Variants in ASAH2 observed in about 807,000 individuals in gnomAD.
The protein encoded by ASAH2 is neutral ceramidase.
ASAH2 carries 58 observed loss-of-function variants against 82.9 expected under a neutral mutation model. The observed-to-expected ratio is 0.70, with a 90% CI of 0.57 to 0.87. ASAH2 has a LOEUF of 0.87. Among genes scored for constraint, ASAH2 ranks in the 40% least tolerant of loss-of-function variants. ASAH2 has a pLI of 0.00. For synonymous variants in ASAH2, 276 were observed against 289.7 expected, an observed-to-expected ratio of 0.95 and a Z score of 0.48; for missense variants, 779 against 834.0, an observed-to-expected ratio of 0.93 and a Z score of 0.81.
intron 7 of ASAH2, among the ~76,000 whole-genome samples, chr10:50,219,991 T>C (rs1218067701): frequency 6.6e-6 from 1 of 152,184 alleles, no homozygotes; most frequent in Non-Finnish European, 1.5e-5. Context: ...TCATATGTAT[T>C]TATCAACTTT....
intron 16 of ASAH2, among the ~76,000 whole-genome samples, chr10:50,201,613 G>A (rs1845150883): frequency 6.6e-6 from 1 of 152,110 alleles, no homozygotes; most frequent in African/African-American, 2.4e-5. Flanking sequence ...CAGGAGACAA[G>A]CTAGTAGGGG....
At chr10:50,237,789 G>A (rs1362720300) in intron 4 of ASAH2, among the ~76,000 whole-genome samples, 1 of 152,072 alleles carries the variant, frequency 6.6e-6, no homozygotes, top group East Asian at 1.9e-4. Context: ...TTTTGTGAAA[G>A]ATAATTAAAA....
intron 16 of ASAH2, among the ~76,000 whole-genome samples, chr10:50,199,838 G>T (rs1845094023): frequency 6.6e-6 from 1 of 151,530 alleles, no homozygotes; most frequent in East Asian, 1.9e-4. Flanking sequence ...AATCTCCTGA[G>T]ATCTTTCATT....
intron 7 of ASAH2, among the ~76,000 whole-genome samples, chr10:50,220,099 C>T (rs1845703083): frequency 6.6e-6 from 1 of 152,170 alleles, no homozygotes; most frequent in Non-Finnish European, 1.5e-5. Flanking sequence ...AGTTTGTGAT[C>T]TGATTCAAAC....
chr10:50,218,208 T>G (rs1845658137), intron 8 of ASAH2, among the ~76,000 whole-genome samples: 1 of 152,338 alleles, frequency 6.6e-6, no homozygotes, highest in African/African-American at 2.4e-5. Context: ...TGTCATATTT[T>G]CAGCTTAATC....
At chr10:50,199,013 C>G in intron 17 of ASAH2, 38 bp downstream of exon 17, 1 of 1,589,048 alleles carries the variant, frequency 6.3e-7, no homozygotes, top group Non-Finnish European at 8.6e-7. Context: ...CACACACACA[C>G]GCACGCGCGC....
rs1844773454 is a variant in ASAH2 at position 50,187,149 on chromosome 10, C to T, written c.*166G>A. On this transcript the variant is annotated 3_prime_UTR_variant, in exon 21 of 21. Coordinates refer to ENST00000682911, the MANE Select transcript of ASAH2 (RefSeq NM_019893.4). ...ACACACACACACACACACACACACA[C>T]ACACACACACACACCCCTCCACCCC... is the stretch of plus-strand genomic sequence containing the variant. 58 of 375,122 alleles carry T rather than the reference C, an allele frequency of 1.5e-4. 2 individuals carry two copies. Among genetic ancestry groups the T allele is most frequent in the South Asian group, 1.5e-3 (57 of 38,850 alleles). The allele number at this position is 375,122 out of a possible 1,614,324, so 23.2% of individuals were successfully genotyped here.
At chr10:50,238,401 A>G (rs1846211049) in intron 4 of ASAH2, among the ~76,000 whole-genome samples, 1 of 152,194 alleles carries the variant, frequency 6.6e-6, no homozygotes, top group Admixed American at 6.6e-5. Context: ...ATGTCCACAT[A>G]AGCAATTCTA....
In ASAH2 at chr10:50,243,322, T is replaced by C; in HGVS notation, c.390A>G (p.Ala130=). The part of the protein sequence containing the change: ...LMGYGKSGQN[A]QGILTRLYSR... ...TGTATAGCCTGGTGAGGATGCCCTGTGCATTCTGGCCGGATTTGCCATAGC... is the reference window on the plus strand; with the variant it reads ...TGTATAGCCTGGTGAGGATGCCCTGCGCATTCTGGCCGGATTTGCCATAGC... The change falls in exon 4 of 21, where the codon GCA becomes GCG. Residue 130 remains alanine (A), a synonymous_variant. Transcript: ENST00000682911. 1 of 1,614,128 alleles carries C rather than the reference T, an allele frequency of 6.2e-7. No homozygotes were observed. The highest frequency in any genetic ancestry group is 8.5e-7 in the Non-Finnish European group (1 of 1,179,974).
chr10:50,203,787 A>G, intron 14 of ASAH2, 108 bp from the exon 15 acceptor site: 2 of 906,690 alleles, frequency 2.2e-6, no homozygotes, highest in African/African-American at 1.6e-5. Flanking sequence ...ATCACACAAT[A>G]GTAAAATATG....
chr10:50,227,866 A>T (rs1845930123), intron 7 of ASAH2, among the ~76,000 whole-genome samples: 1 of 152,126 alleles, frequency 6.6e-6, no homozygotes, highest in African/African-American at 2.4e-5. Context: ...GGCAGGGGAG[A>T]GGGGTGAACC....
At chr10:50,210,786 A>G in intron 12 of ASAH2, 37 bp downstream of exon 12, 1 of 1,475,150 alleles carries the variant, frequency 6.8e-7, no homozygotes, top group Non-Finnish European at 9.5e-7. Flanking sequence ...GAAGCTTCAG[A>G]AGCTGAAACC....
chr10:50,244,138 A>G (rs1467399989), intron 3 of ASAH2, among the ~76,000 whole-genome samples: 1 of 152,234 alleles, frequency 6.6e-6, no homozygotes, highest in Non-Finnish European at 1.5e-5. Flanking sequence ...CTGGAGCGGG[A>G]CATATGCAGA....
intron 14 of ASAH2, among the ~76,000 whole-genome samples, 192 bp downstream of exon 14, chr10:50,204,669 A>G (rs1845247932): frequency 6.6e-6 from 1 of 151,872 alleles, no homozygotes; most frequent in Non-Finnish European, 1.5e-5. Context: ...GTGAGCCATC[A>G]ATAATAAGCA....
chr10:50,217,138 T>TA (rs1845622749), intron 8 of ASAH2, among the ~76,000 whole-genome samples: 2 of 152,158 alleles, frequency 1.3e-5, no homozygotes, highest in Admixed American at 6.5e-5. Context: ...GCAGGATTGT[T>TA]AAAAAAGAGC....
intron 7 of ASAH2, among the ~76,000 whole-genome samples, chr10:50,226,729 A>G (rs1253939285): frequency 2.0e-5 from 3 of 151,844 alleles, no homozygotes. Flanking sequence ...TTAATTAAAT[A>G]ATAATAAAGT....
At chr10:50,238,894 CA>C (rs1846223526) in intron 4 of ASAH2, among the ~76,000 whole-genome samples, 1 of 152,154 alleles carries the variant, frequency 6.6e-6, no homozygotes, top group African/African-American at 2.4e-5. Flanking sequence ...TGAAGCCAGA[CA>C]TATGGGACTT....
intron 7 of ASAH2, among the ~76,000 whole-genome samples, chr10:50,222,851 A>G (rs1363736419): frequency 6.6e-6 from 1 of 152,186 alleles, no homozygotes; most frequent in African/African-American, 2.4e-5. Context: ...CTTATATTTT[A>G]TTTTATCTGG....
At chr10:50,245,070 T>TATGA in intron 3 of ASAH2, 152 bp downstream of exon 3, 1 of 717,300 alleles carries the variant, frequency 1.4e-6, no homozygotes, top group Non-Finnish European at 2.3e-6. Context: ...TTCCTTCTAG[T>TATGA]ATGAAATTCA....
Sources: allele counts gnomAD v4.1 joint callset (sites outside exome capture counted in the v4.1 genomes callset), GRCh38; gene constraint gnomAD v4.1.1; transcripts MANE v1.5; gene names NCBI Gene and HGNC (gene_info 2026-07-23, HGNC 2026-07-21).